ZFAND3: variants seen among roughly 807,000 people sequenced by gnomAD.
ZFAND3 encodes zinc finger AN1-type containing 3.
A neutral mutation model predicts 29.6 loss-of-function variants in ZFAND3; 10 were observed. The ratio of observed to expected loss-of-function variants is 0.34; its 90% confidence interval spans 0.21 to 0.57. The LOEUF (loss-of-function observed/expected upper bound fraction) is 0.57. ZFAND3 is among the 20% of genes least tolerant of loss of function. The pLI, the probability that ZFAND3 is intolerant of heterozygous loss-of-function variation, is 0.86. For missense variants in ZFAND3, 230 were observed against 304.5 expected, an observed-to-expected ratio of 0.76 and a Z score of 1.82; for synonymous variants, 128 against 112.6, an observed-to-expected ratio of 1.14 and a Z score of -0.87.
At chr6:38,048,769 A>C (rs1763961725) in intron 2 of ZFAND3, among the ~76,000 whole-genome samples, 1 of 152,244 alleles carries the variant, frequency 6.6e-6, no homozygotes. Context: ...GCAGTTTCTA[A>C]GTAGCTTAGG....
intron 4 of ZFAND3, among the ~76,000 whole-genome samples, chr6:38,113,709 TC>T (rs1213767014): frequency 6.6e-6 from 1 of 152,240 alleles, no homozygotes; most frequent in African/African-American, 2.4e-5. Flanking sequence ...AAAAAATTTT[TC>T]TTCACATATC....
chr6:37,841,814 C>A (rs1236875610), intron 1 of ZFAND3, among the ~76,000 whole-genome samples: 1 of 152,148 alleles, frequency 6.6e-6, no homozygotes, highest in Non-Finnish European at 1.5e-5. Flanking sequence ...AATTTATATA[C>A]AGTGAAAAAT....
chr6:38,067,535 G>A (rs180912720), intron 3 of ZFAND3, among the ~76,000 whole-genome samples: 21 of 152,342 alleles, frequency 1.4e-4, no homozygotes, highest in African/African-American at 4.8e-4. Context: ...TACAGTGGAA[G>A]GTGTGTTGGA....
At chr6:37,956,041 G>A (rs1331506843) in intron 2 of ZFAND3, among the ~76,000 whole-genome samples, 2 of 152,102 alleles carry the variant, frequency 1.3e-5, no homozygotes, top group Admixed American at 1.3e-4. Context: ...AGATAATTTG[G>A]GAAGTGCATA....
intron 2 of ZFAND3, among the ~76,000 whole-genome samples, chr6:37,986,981 T>C (rs1762682459): frequency 1.3e-5 from 2 of 152,224 alleles, no homozygotes; most frequent in Admixed American, 1.3e-4. Context: ...AGCCCACAAC[T>C]TATCAGTGTC....
intron 2 of ZFAND3, among the ~76,000 whole-genome samples, chr6:37,953,478 G>A (rs1476774148): frequency 2.4e-5 from 3 of 122,600 alleles, no homozygotes; most frequent in East Asian, 2.5e-4. Context: ...CTTGAGACAA[G>A]GTCTTGCTCT....
At chr6:37,987,858 G>A (rs1762696231) in intron 2 of ZFAND3, among the ~76,000 whole-genome samples, 1 of 152,196 alleles carries the variant, frequency 6.6e-6, no homozygotes, top group Non-Finnish European at 1.5e-5. Context: ...TCTTTAGAAA[G>A]TTGCATTATT....
At chr6:37,972,461 G>T (rs1762406309) in intron 2 of ZFAND3, among the ~76,000 whole-genome samples, 1 of 152,200 alleles carries the variant, frequency 6.6e-6, no homozygotes, top group African/African-American at 2.4e-5. Context: ...AACAGATATG[G>T]CTCCTCAGTA....
intron 1 of ZFAND3, among the ~76,000 whole-genome samples, chr6:37,856,115 C>T (rs937235999): frequency 1.1e-4 from 16 of 151,934 alleles, no homozygotes; most frequent in African/African-American, 3.6e-4. Context: ...CAGCCTGTGC[C>T]TCCTGAGTAG....
At chr6:37,896,514 TTTTC>T (rs58666227) in intron 1 of ZFAND3, among the ~76,000 whole-genome samples, 5,029 of 109,092 alleles carry the variant, frequency 0.046, 101 homozygotes, top group Middle Eastern at 0.058. Context: ...TTCCTCTTTC[TTTTC>T]TTTCTTTCTT....
intron 3 of ZFAND3, among the ~76,000 whole-genome samples, chr6:38,062,186 A>G (rs1460350680): frequency 6.6e-6 from 1 of 152,184 alleles, no homozygotes; most frequent in Admixed American, 6.5e-5. Flanking sequence ...TCTAACCCTA[A>G]AACCCTAATT....
intron 2 of ZFAND3, among the ~76,000 whole-genome samples, chr6:38,042,839 C>T (rs1366963219): frequency 6.6e-6 from 1 of 152,042 alleles, no homozygotes; most frequent in Non-Finnish European, 1.5e-5. Context: ...TAAAAACCTA[C>T]TTGAGAAAGT....
intron 3 of ZFAND3, among the ~76,000 whole-genome samples, chr6:38,065,666 G>C (rs745830500): frequency 1.1e-4 from 16 of 152,176 alleles, no homozygotes; most frequent in Non-Finnish European, 2.1e-4. Context: ...AAGTTATAGA[G>C]CTATTGCAAG....
At chr6:38,124,288 C>T (rs992656118) in intron 5 of ZFAND3, among the ~76,000 whole-genome samples, 1 of 152,252 alleles carries the variant, frequency 6.6e-6, no homozygotes, top group Non-Finnish European at 1.5e-5. Flanking sequence ...GCACTGGAGC[C>T]GCAGGTGGAG....
At chr6:38,049,577 T>C (rs1478540579) in intron 2 of ZFAND3, among the ~76,000 whole-genome samples, 1 of 152,208 alleles carries the variant, frequency 6.6e-6, no homozygotes, top group Non-Finnish European at 1.5e-5. Context: ...AGAAAGCTTT[T>C]GTATCAGTAG....
chr6:38,153,036 A>AC lies in ZFAND3; in HGVS notation c.*647_*648insC. ...CTCATCACACAAGAAGAGAAACAGT[A>AC]ACCTCACTTTGAAAATTAGCTCCAC... On this transcript the variant is annotated 3_prime_UTR_variant, in exon 6 of 6. Coordinates refer to ENST00000287218, the MANE Select transcript of ZFAND3 (RefSeq NM_021943.3). 5.1e-6 allele frequency: 5 copies of AC among 985,778 alleles called. No individual in the cohort carries two copies. The South Asian group carries it at 2.3e-4, about 46-fold the overall frequency. 61.1% of individuals were successfully genotyped at this position (985,778 alleles called of 1,614,324 possible). A position where few individuals can be genotyped will look rare whatever the true frequency, so the allele number is the denominator to read the frequency against.
intron 1 of ZFAND3, among the ~76,000 whole-genome samples, chr6:37,825,102 T>C (rs1763734696): frequency 1.3e-5 from 2 of 152,080 alleles, no homozygotes; most frequent in African/African-American, 4.8e-5. Context: ...ACTGTGTAGA[T>C]CATCTAGCTA....
intron 1 of ZFAND3, among the ~76,000 whole-genome samples, chr6:37,869,038 A>G (rs921800143): frequency 1.3e-5 from 2 of 152,342 alleles, no homozygotes; most frequent in Admixed American, 6.5e-5. Context: ...TAGTATGTCA[A>G]TTTTGATAAG....
At chr6:38,024,470 CAAAAA>C (rs34123545) in intron 2 of ZFAND3, among the ~76,000 whole-genome samples, 1 of 112,692 alleles carries the variant, frequency 8.9e-6, no homozygotes, top group Non-Finnish European at 1.9e-5. Flanking sequence ...GACTCCGTCT[CAAAAA>C]AAAAAAAAAA....
Sources: allele counts gnomAD v4.1 joint callset (sites outside exome capture counted in the v4.1 genomes callset), GRCh38; gene constraint gnomAD v4.1.1; transcripts MANE v1.5; gene names NCBI Gene and HGNC (gene_info 2026-07-23, HGNC 2026-07-21).